The following NDEL1 variants were observed in gnomAD, a reference collection of about 807,000 sequenced individuals.
NDEL1 encodes the protein nuclear distribution protein nudE-like 1.
In NDEL1, 9 loss-of-function variants were observed where a neutral mutation model predicts 45.7. That is an observed-to-expected ratio of 0.20 (90% CI 0.12 to 0.34). The LOEUF is 0.34. Ranked by LOEUF, NDEL1 falls within the 10% of genes least tolerant of loss-of-function variation. NDEL1 has a pLI of 1.00. For missense variants in NDEL1, 306 were observed against 406.2 expected, an observed-to-expected ratio of 0.75 and a Z score of 2.12; for synonymous variants, 133 against 158.6, an observed-to-expected ratio of 0.84 and a Z score of 1.21.
chr17:8,450,397 G>A (rs1910412947), intron 5 of NDEL1, among the ~76,000 whole-genome samples: 1 of 151,946 alleles, frequency 6.6e-6, no homozygotes, highest in African/African-American at 2.4e-5. Context: ...GTTAATGCCA[G>A]CCCATTTAAA....
chr17:8,440,582 G>T (rs961098440), intron 1 of NDEL1, among the ~76,000 whole-genome samples: 1 of 152,086 alleles, frequency 6.6e-6, no homozygotes, highest in Non-Finnish European at 1.5e-5. Flanking sequence ...GACACTGAAT[G>T]TAAGTAGTTG....
At chr17:8,425,470 T>C (rs977267128) in intron 1 of NDEL1, among the ~76,000 whole-genome samples, 7 of 151,740 alleles carry the variant, frequency 4.6e-5, no homozygotes, top group African/African-American at 1.7e-4. Flanking sequence ...TGGTCCCAAG[T>C]ACTTGAGAGG....
intron 1 of NDEL1, among the ~76,000 whole-genome samples, chr17:8,438,905 G>A (rs1909533198): frequency 6.6e-6 from 1 of 151,564 alleles, no homozygotes; most frequent in Admixed American, 6.6e-5. Flanking sequence ...TAAAGATGAG[G>A]TGTGACCACA....
intron 6 of NDEL1, among the ~76,000 whole-genome samples, chr17:8,454,195 T>C (rs976743693): frequency 5.9e-5 from 9 of 152,126 alleles, no homozygotes; most frequent in African/African-American, 2.2e-4. Context: ...AATGTCACGC[T>C]GAGAGATAGA....
chr17:8,458,035 A>G (rs1910958555), intron 7 of NDEL1, among the ~76,000 whole-genome samples: 1 of 152,176 alleles, frequency 6.6e-6, no homozygotes, highest in African/African-American at 2.4e-5. Flanking sequence ...GACTGCATGC[A>G]CACGCCCCAG....
intron 1 of NDEL1, among the ~76,000 whole-genome samples, chr17:8,416,765 G>A (rs1908556715): frequency 6.6e-6 from 1 of 151,998 alleles, no homozygotes; most frequent in African/African-American, 2.4e-5. Flanking sequence ...CATTTCCCCT[G>A]TACTTGCTTT....
intron 1 of NDEL1, among the ~76,000 whole-genome samples, chr17:8,429,147 T>C (rs1908940393): frequency 6.6e-6 from 1 of 152,216 alleles, no homozygotes. Context: ...TCATCTAAGT[T>C]CAGCCTTTCA....
chr17:8,449,792 C>G (rs1007010785), intron 5 of NDEL1, among the ~76,000 whole-genome samples: 6 of 152,134 alleles, frequency 3.9e-5, no homozygotes, highest in African/African-American at 1.2e-4. Context: ...GGATGGACAT[C>G]GAGTTGCTCC....
At chr17:8,460,288 AATCTT>A in intron 8 of NDEL1, 128 bp downstream of exon 8, 1 of 1,005,956 alleles carries the variant, frequency 9.9e-7, no homozygotes, top group Non-Finnish European at 1.4e-6. Context: ...TTATCATTCT[AATCTT>A]AGGTGACATG....
Position 8,446,846 on chromosome 17 carries a change from G to A in NDEL1, c.333G>A (p.Leu111=), listed in dbSNP as rs1910116685. 1 of 1,614,088 alleles carries A rather than the reference G, an allele frequency of 6.2e-7. No homozygotes were observed. Among genetic ancestry groups the A allele is most frequent in the African/African-American group, 1.3e-5 (1 of 74,940 alleles). ...AGACTCGGGCCATTAAGGAGCAGTTGCATAAGTATGTGAGAGAGCTGGAGC... is the reference window on the plus strand; with the variant it reads ...AGACTCGGGCCATTAAGGAGCAGTTACATAAGTATGTGAGAGAGCTGGAGC... The part of the protein sequence containing the change: ...LSQTRAIKEQ[L]HKYVRELEQA... The change falls in exon 4 of 9, where the codon TTG becomes TTA. Residue 111 remains leucine, a synonymous_variant. Transcript: ENST00000334527.
intron 1 of NDEL1, among the ~76,000 whole-genome samples, chr17:8,422,908 G>T (rs1204096190): frequency 1.3e-5 from 2 of 151,896 alleles, no homozygotes; most frequent in Admixed American, 6.6e-5. Context: ...GCTAATTTTT[G>T]TATTTTTAGT....
upstream of NDEL1, among the ~76,000 whole-genome samples, chr17:8,432,363 T>C (rs890323638): frequency 1.1e-4 from 7 of 62,036 alleles, 1 homozygote; most frequent in Non-Finnish European, 2.5e-4. Flanking sequence ...AATATAAATA[T>C]ATATATATTT....
In NDEL1 at chr17:8,439,935, T is replaced by A. The variant is rs538717202; in HGVS notation, c.-13+3890T>A. ...CACTTGCCCAAGGTCACCCAAGTAG[T>A]GAGTAGATGCATCAGTAGCGAGTCT... On this transcript the variant is annotated intron_variant, in intron 1 of 8. Transcript: ENST00000334527. 1.8e-3 allele frequency among the ~76,000 whole-genome samples: 280 copies of A among 152,276 alleles called. 1 individual carries two copies. The highest frequency in any genetic ancestry group is 6.5e-3 in the African/African-American group (269 of 41,558).
Position 8,467,754 on chromosome 17 carries a change from C to T in NDEL1, c.*731C>T, listed in dbSNP as rs1237924020. On this transcript the variant is annotated 3_prime_UTR_variant, in exon 9 of 9. Transcript: ENST00000334527. The surrounding 1 kb of genome is among the most constrained non-coding windows in gnomAD (Gnocchi z 6.3). ...AGGCGGGCAGCCTCTCGCCAGCCTTCCCGTCCTTCAGTTCAACGACATCTT... is the reference window on the plus strand; with the variant it reads ...AGGCGGGCAGCCTCTCGCCAGCCTTTCCGTCCTTCAGTTCAACGACATCTT... 1.3e-5 allele frequency: 2 copies of T among 152,778 alleles called. No homozygotes were observed. The highest frequency in any genetic ancestry group is 4.8e-5 in the African/African-American group (2 of 41,460). The allele number at this position is 152,778 out of a possible 1,614,324, so 9.5% of individuals were successfully genotyped here.
intron 1 of NDEL1, among the ~76,000 whole-genome samples, chr17:8,425,494 A>G (rs1908808825): frequency 6.6e-6 from 1 of 151,846 alleles, no homozygotes; most frequent in East Asian, 1.9e-4. Context: ...AGGTCGGGGG[A>G]TCACCTGAGC....
intron 1 of NDEL1, among the ~76,000 whole-genome samples, chr17:8,428,834 C>T (rs1038671097): frequency 7.9e-5 from 12 of 152,002 alleles, no homozygotes; most frequent in Admixed American, 2.6e-4. Flanking sequence ...CCACCACGCC[C>T]GGCTAATTTT....
In NDEL1 at chr17:8,435,942, C is replaced by T. The variant is rs914576548; in HGVS notation, c.-116C>T. ...GAGGTACGCTGAGTGGAGCTCGGGG[C>T]TGCGTAGGGGAGCTGAGCCGAGCGG... On this transcript the variant is annotated 5_prime_UTR_variant, in exon 1 of 9. Coordinates refer to ENST00000334527, the MANE Select transcript of NDEL1 (RefSeq NM_030808.5). The T allele has an allele frequency of 2.2e-6, 1 of 448,996 alleles. No individual in the cohort carries two copies. Among genetic ancestry groups the T allele is most frequent in the South Asian group, 1.6e-5 (1 of 64,044 alleles). 27.8% of individuals were successfully genotyped at this position (448,996 alleles called of 1,614,324 possible).
At chr17:8,428,854 T>G (rs907291776) in intron 1 of NDEL1, among the ~76,000 whole-genome samples, 4 of 151,486 alleles carry the variant, frequency 2.6e-5, no homozygotes, top group Admixed American at 2.6e-4. Context: ...TTTGTATTTT[T>G]AGTAGAGACG....
downstream of NDEL1, among the ~76,000 whole-genome samples, chr17:8,470,422 A>G (rs1448210763): frequency 6.6e-6 from 1 of 151,968 alleles, no homozygotes; most frequent in Non-Finnish European, 1.5e-5. The surrounding 1 kb of genome is among the most constrained non-coding windows in gnomAD (Gnocchi z 4.2). Flanking sequence ...CTTGCTCCCA[A>G]ATATTGTCTT....
Sources: gnomAD v4.1 joint callset for allele counts (sites outside exome capture counted in the v4.1 genomes callset) on GRCh38, gnomAD v4.1.1 for gene constraint, Gnocchi (gnomAD v3.1) non-coding constraint, MANE v1.5 for transcripts, NCBI Gene and HGNC (gene_info 2026-07-23, HGNC 2026-07-21) for gene names.